Variants in GNA12 observed in about 807,000 individuals in gnomAD.
GNA12 encodes guanine nucleotide-binding protein subunit alpha-12.
In GNA12, 9 loss-of-function variants were observed where a neutral mutation model predicts 26.0. The ratio of observed to expected loss-of-function variants is 0.35; its 90% CI spans 0.21 to 0.60. The LOEUF is 0.60. Among genes scored for constraint, GNA12 ranks in the 20% least tolerant of loss-of-function variants. The probability of loss-of-function intolerance (pLI) is 0.78; values close to 1 mark genes in which losing one functional copy is unlikely to be tolerated. For synonymous variants in GNA12, 264 were observed against 219.6 expected (o/e 1.20, Z -1.79); for missense variants, 405 against 525.8 (o/e 0.77, Z 2.25).
intron 1 of GNA12, among the ~76,000 whole-genome samples, chr7:2,803,181 A>G (rs564104565): frequency 6.6e-6 from 1 of 152,346 alleles, no homozygotes; most frequent in South Asian, 2.1e-4. Flanking sequence ...GCACGAGCAG[A>G]TAAGCGACAG....
At chr7:2,820,099 G>T (rs1276277600) in intron 1 of GNA12, among the ~76,000 whole-genome samples, 2 of 152,216 alleles carry the variant, frequency 1.3e-5, no homozygotes, top group African/African-American at 4.8e-5. Context: ...ACGATGCTAA[G>T]AAGTCCGTCG....
At chr7:2,765,586 C>G (rs779926678) in intron 2 of GNA12, among the ~76,000 whole-genome samples, 13 of 151,420 alleles carry the variant, frequency 8.6e-5, no homozygotes, top group Non-Finnish European at 1.9e-4. Context: ...ACCAGCAAGA[C>G]GAGGTAGGGA....
intron 2 of GNA12, among the ~76,000 whole-genome samples, chr7:2,787,236 C>T (rs1030174955): frequency 9.9e-5 from 15 of 152,158 alleles, no homozygotes; most frequent in Non-Finnish European, 2.2e-4. Flanking sequence ...GGCAGCTCAC[C>T]GCCTCCGTCA....
intron 1 of GNA12, among the ~76,000 whole-genome samples, chr7:2,813,658 C>A (rs913654329): frequency 1.3e-5 from 2 of 151,970 alleles, no homozygotes; most frequent in Non-Finnish European, 2.9e-5. Flanking sequence ...AGGCAATCGC[C>A]CCATGTGAGC....
At chr7:2,776,562 T>C (rs1186198081) in intron 2 of GNA12, among the ~76,000 whole-genome samples, 3 of 152,144 alleles carry the variant, frequency 2.0e-5, no homozygotes, top group African/African-American at 7.2e-5. Flanking sequence ...GATGTTCCTG[T>C]TTTGTGGATC....
At chr7:2,757,129 C>CTTTTTTTTTT (rs71026549) in intron 2 of GNA12, among the ~76,000 whole-genome samples, 20 of 93,994 alleles carry the variant, frequency 2.1e-4, no homozygotes, top group African/African-American at 7.8e-4. Context: ...TCAGGTGGGC[C>CTTTTTTTTTT]TTTTTTTTTT....
intron 1 of GNA12, chr7:2,835,507 G>A (rs1778812000): frequency 6.6e-6 from 3 of 453,892 alleles, no homozygotes; most frequent in Non-Finnish European, 1.2e-5. Context: ...ATGGGTCCAA[G>A]GGGAGGGAAT....
chr7:2,764,405 G>A (rs1446938589), intron 2 of GNA12, among the ~76,000 whole-genome samples: 1 of 152,236 alleles, frequency 6.6e-6, no homozygotes. Context: ...TATTCACACA[G>A]AAGTACATCT....
chr7:2,791,307 C>T (rs1792512098), intron 2 of GNA12, among the ~76,000 whole-genome samples: 1 of 152,216 alleles, frequency 6.6e-6, no homozygotes, highest in Admixed American at 6.5e-5. Context: ...GGGGTGTCTG[C>T]TGTCTGTGAC....
chr7:2,774,574 C>T (rs529245517), intron 2 of GNA12, among the ~76,000 whole-genome samples: 1 of 152,124 alleles, frequency 6.6e-6, no homozygotes, highest in Admixed American at 6.5e-5. Flanking sequence ...ATGGGCTTGC[C>T]GAGGCAAAGG....
At chr7:2,771,124 C>A (rs1384764687) in intron 2 of GNA12, among the ~76,000 whole-genome samples, 2 of 152,060 alleles carry the variant, frequency 1.3e-5, no homozygotes, top group Non-Finnish European at 2.9e-5. Context: ...AACCTCGTCT[C>A]TACTAAAAAT....
intron 1 of GNA12, among the ~76,000 whole-genome samples, chr7:2,832,480 T>C (rs1170485481): frequency 2.6e-5 from 4 of 152,152 alleles, no homozygotes; most frequent in African/African-American, 7.2e-5. Context: ...GTCCACGCCA[T>C]GCACCATCAC....
At chr7:2,783,339 T>C (rs1357633743) in intron 2 of GNA12, among the ~76,000 whole-genome samples, 2 of 152,226 alleles carry the variant, frequency 1.3e-5, no homozygotes, top group African/African-American at 4.8e-5. Flanking sequence ...GTGCTAGGTA[T>C]GTGGGTGACA....
At chr7:2,813,398 G>A (rs914978013) in intron 1 of GNA12, among the ~76,000 whole-genome samples, 7 of 152,182 alleles carry the variant, frequency 4.6e-5, no homozygotes, top group Non-Finnish European at 1.0e-4. Context: ...GCATCCAGGG[G>A]AGAGTCTCCT....
rs943236171 is a variant in GNA12, at chr7:2,745,785, CAG to C, written c.526-12286_526-12285del. Among the ~76,000 whole-genome samples the C allele has an allele frequency of 2.8e-4, 42 of 152,222 alleles. 1 individual carries two copies. The highest frequency in any genetic ancestry group is 9.9e-4 in the African/African-American group (41 of 41,522). On this transcript the variant is annotated intron_variant, in intron 2 of 3. Transcript: ENST00000275364. Reference sequence around the variant, plus strand: ...GTATTCAGGAAACCCATCTCACGTGCAGAGACACACATAGGCTCAAAATAAAG... The same window carrying C: ...GTATTCAGGAAACCCATCTCACGTGCAGACACACATAGGCTCAAAATAAAG...
chr7:2,808,184 G>A (rs1792994239), intron 1 of GNA12, among the ~76,000 whole-genome samples: 1 of 152,234 alleles, frequency 6.6e-6, no homozygotes, highest in Non-Finnish European at 1.5e-5. Flanking sequence ...TCGGGAATCT[G>A]TGAACATGTT....
At chr7:2,810,008 C>A (rs1200781188) in intron 1 of GNA12, among the ~76,000 whole-genome samples, 1 of 152,184 alleles carries the variant, frequency 6.6e-6, no homozygotes, top group Non-Finnish European at 1.5e-5. Context: ...ATTACAATCA[C>A]CTTCTTAGAG....
intron 1 of GNA12, among the ~76,000 whole-genome samples, chr7:2,843,105 TA>T (rs574804926): frequency 6.6e-6 from 1 of 152,056 alleles, no homozygotes; most frequent in South Asian, 2.1e-4. Flanking sequence ...AGAGCCTTTC[TA>T]AAAAAACAGA....
At chr7:2,795,551 C>T (rs540862904) in intron 1 of GNA12, among the ~76,000 whole-genome samples, 1 of 150,154 alleles carries the variant, frequency 6.7e-6, no homozygotes, top group East Asian at 2.0e-4. Flanking sequence ...TTGCTTGAGC[C>T]CAGGAGGTCA....
Sources: gnomAD v4.1 joint callset for allele counts (sites outside exome capture counted in the v4.1 genomes callset) on GRCh38, gnomAD v4.1.1 for gene constraint, MANE v1.5 for transcripts, NCBI Gene and HGNC (gene_info 2026-07-23, HGNC 2026-07-21) for gene names.